GRAMD1B: variants seen among roughly 807,000 people sequenced by gnomAD.
GRAMD1B encodes GRAM domain containing 1B, also known as protein Aster-B.
In GRAMD1B, 37 loss-of-function variants were observed where a neutral mutation model predicts 99.7. The ratio of observed to expected loss-of-function variants is 0.37; its 90% CI spans 0.29 to 0.49. The LOEUF (loss-of-function observed/expected upper bound fraction) is 0.49, where lower values mean the gene tolerates loss of function less well. GRAMD1B is among the 20% of genes least tolerant of loss of function. GRAMD1B has a pLI of 0.98. For synonymous variants in GRAMD1B, 427 were observed against 387.6 expected, an observed-to-expected ratio of 1.10 and a Z score of -1.19; for missense variants, 888 against 1,009.2, an observed-to-expected ratio of 0.88 and a Z score of 1.63.
chr11:123,408,441 A>G (rs1947930451), intron 1 of GRAMD1B, among the ~76,000 whole-genome samples: 1 of 152,230 alleles, frequency 6.6e-6, no homozygotes, highest in African/African-American at 2.4e-5. Context: ...TAAAACGAGT[A>G]CTGGAACGCA....
At chr11:123,398,808 A>G (rs1947557105) in intron 1 of GRAMD1B, among the ~76,000 whole-genome samples, 1 of 152,222 alleles carries the variant, frequency 6.6e-6, no homozygotes, top group African/African-American at 2.4e-5. Flanking sequence ...TTTAATGTAT[A>G]CAACTCAATG....
chr11:123,393,911 C>T (rs983529894), intron 1 of GRAMD1B, among the ~76,000 whole-genome samples: 3 of 152,192 alleles, frequency 2.0e-5, no homozygotes, highest in African/African-American at 4.8e-5. Context: ...AACCTATAAC[C>T]TCTGAATGAT....
intron 2 of GRAMD1B, among the ~76,000 whole-genome samples, chr11:123,529,965 G>T (rs1472006051): frequency 6.6e-5 from 10 of 152,018 alleles, no homozygotes; most frequent in African/African-American, 2.4e-4. Context: ...AAGTCAGTGT[G>T]CTGGAAGAAT....
intron 2 of GRAMD1B, among the ~76,000 whole-genome samples, chr11:123,520,776 C>CAAA (rs11219185): frequency 9.2e-4 from 95 of 103,628 alleles, no homozygotes; most frequent in Non-Finnish European, 1.4e-3. Context: ...GAGACCCTGT[C>CAAA]AAAAAAAAAA....
intron 1 of GRAMD1B, among the ~76,000 whole-genome samples, chr11:123,415,058 C>T (rs928727535): frequency 2.0e-5 from 3 of 150,110 alleles, no homozygotes; most frequent in Non-Finnish European, 4.4e-5. Flanking sequence ...TGCCAGGCTG[C>T]CTTTTCTTTT....
rs115606258 is a variant in GRAMD1B at position 123,410,552 on chromosome 11, C to A, written c.-176+51753C>A. Among the ~76,000 whole-genome samples the A allele has an allele frequency of 3.6e-3, 543 of 152,268 alleles. 2 individuals carry two copies. The highest frequency in any genetic ancestry group is 0.013 in the African/African-American group (527 of 41,566). The stretch of plus-strand genomic sequence containing the variant: ...ATCACGGTTCTCTGCCTACACAAGA[C>A]CCTGGAACCAGTCCCCTTCTGTTTG... On this transcript the variant is annotated intron_variant, in intron 1 of 20. Transcript: ENST00000638157.
At chr11:123,590,030 T>C (rs1312074258) in intron 4 of GRAMD1B, among the ~76,000 whole-genome samples, 1 of 152,210 alleles carries the variant, frequency 6.6e-6, no homozygotes, top group Non-Finnish European at 1.5e-5. Context: ...TCTGGAGGCT[T>C]TCTTGCCCCA....
At chr11:123,598,375 C>G in intron 7 of GRAMD1B, 1 of 1,013,264 alleles carries the variant, frequency 9.9e-7, no homozygotes, top group Non-Finnish European at 1.6e-6. Context: ...TGCTCTTTTT[C>G]GTCTTCCTCT....
At chr11:123,494,671 ACTC>A (rs1404704714) in intron 2 of GRAMD1B, among the ~76,000 whole-genome samples, 1 of 151,748 alleles carries the variant, frequency 6.6e-6, no homozygotes, top group Non-Finnish European at 1.5e-5. Context: ...AGCTCAGCAA[ACTC>A]CTCTTATCTT....
intron 2 of GRAMD1B, among the ~76,000 whole-genome samples, chr11:123,499,300 A>G (rs1288208316): frequency 2.6e-5 from 4 of 152,216 alleles, no homozygotes; most frequent in Admixed American, 6.5e-5. Flanking sequence ...GTCCCTCACC[A>G]GATGTGGCTC....
At position 123,430,554 on chromosome 11, in the gene GRAMD1B, C is replaced by T. The variant is rs1418196476; in HGVS notation, c.-239C>T. The T allele has an allele frequency of 6.7e-6, 3 of 450,746 alleles. No individual in the cohort carries two copies. The highest frequency in any genetic ancestry group is 7.2e-5 in the East Asian group (2 of 27,766). The allele number at this position is 450,746 out of a possible 1,614,324, so 27.9% of individuals were successfully genotyped here. A position where few individuals can be genotyped will look rare whatever the true frequency, so the allele number is the denominator to read the frequency against. On this transcript the variant is annotated 5_prime_UTR_variant, in exon 1 of 20. Transcript: ENST00000635736. ...GCGGCTCCCGCCCCTCCCGGGTGGC[C>T]TCGCCGGCGGCTGACGGCCCGGAGG...
chr11:123,360,354 T>C (rs1946096933), intron 1 of GRAMD1B, among the ~76,000 whole-genome samples: 1 of 152,194 alleles, frequency 6.6e-6, no homozygotes, highest in African/African-American at 2.4e-5. Flanking sequence ...TTGCCTTTGA[T>C]GGTGTACAGC....
chr11:123,569,041 T>C (rs1947750016), intron 2 of GRAMD1B, among the ~76,000 whole-genome samples: 1 of 152,172 alleles, frequency 6.6e-6, no homozygotes, highest in South Asian at 2.1e-4. Flanking sequence ...TTGGCACTGT[T>C]GGGCATCTGA....
At chr11:123,531,798 C>T (rs1219841826) in intron 2 of GRAMD1B, among the ~76,000 whole-genome samples, 11 of 136,468 alleles carry the variant, frequency 8.1e-5, no homozygotes, top group African/African-American at 1.1e-4. Context: ...TGCAATGGTG[C>T]GATCTCGGCT....
At chr11:123,452,444 G>C (rs555748746) in intron 1 of GRAMD1B, among the ~76,000 whole-genome samples, 1 of 152,056 alleles carries the variant, frequency 6.6e-6, no homozygotes, top group South Asian at 2.1e-4. Context: ...TCAGGAGTTC[G>C]AGACCAGCCT....
rs1270892500 is a variant in GRAMD1B at position 123,622,631 on chromosome 11, C to T, written c.*36C>T. On this transcript the variant is annotated 3_prime_UTR_variant, in exon 20 of 20. Transcript: ENST00000635736. ...ACAGGGTGGCTGCAAGAGGCCTGTG[C>T]AATACATGTACATAGACCATATAAA... 3 of 846,292 alleles carry T rather than the reference C, an allele frequency of 3.5e-6. No individual in the cohort carries two copies. The highest frequency in any genetic ancestry group is 1.7e-5 in the African/African-American group (1 of 59,162). 52.4% of individuals were successfully genotyped at this position (846,292 alleles called of 1,614,324 possible). A position where few individuals can be genotyped will look rare whatever the true frequency, so the allele number is the denominator to read the frequency against.
chr11:123,428,064 T>C, upstream of GRAMD1B, among the ~76,000 whole-genome samples: 1 of 152,208 alleles, frequency 6.6e-6, no homozygotes, highest in African/African-American at 2.4e-5. Flanking sequence ...GCCCCTGTCT[T>C]GTGGACCATC....
intron 1 of GRAMD1B, among the ~76,000 whole-genome samples, chr11:123,479,590 G>A (rs572724838): frequency 3.9e-5 from 6 of 152,180 alleles, no homozygotes; most frequent in African/African-American, 1.4e-4. Context: ...CAACTTCCTG[G>A]TAATAAGGAT....
intron 2 of GRAMD1B, among the ~76,000 whole-genome samples, chr11:123,562,217 A>G (rs1946850504): frequency 6.6e-6 from 1 of 152,146 alleles, no homozygotes; most frequent in Non-Finnish European, 1.5e-5. Flanking sequence ...GCCTAAGACT[A>G]AACACCTCCC....
Sources: gnomAD v4.1 joint callset for allele counts (sites outside exome capture counted in the v4.1 genomes callset) on GRCh38, gnomAD v4.1.1 for gene constraint, MANE v1.5 for transcripts, NCBI Gene and HGNC (gene_info 2026-07-23, HGNC 2026-07-21) for gene names.